The following RUNDC1 variants were observed in gnomAD, a reference collection of about 807,000 sequenced individuals.
RUNDC1 encodes RUN domain-containing protein 1.
Under a neutral mutation model 49.3 loss-of-function variants are expected in RUNDC1, and 31 were observed. The observed-to-expected ratio is 0.63, with a 90% confidence interval of 0.47 to 0.85. The LOEUF (loss-of-function observed/expected upper bound fraction) is 0.85, where lower values mean the gene tolerates loss of function less well. Ranked by LOEUF, RUNDC1 falls within the 40% of genes least tolerant of loss-of-function variation. The pLI is 0.00. For missense variants in RUNDC1, 715 were observed against 806.7 expected, an observed-to-expected ratio of 0.89 and a Z score of 1.38; for synonymous variants, 347 against 348.6, an observed-to-expected ratio of 1.00 and a Z score of 0.05.
In RUNDC1 at chr17:42,981,047, C is replaced by T. The variant is rs1259233124; in HGVS notation, c.471C>T (p.Asp157=). 6.4e-7 allele frequency: 1 copy of T among 1,559,540 alleles called. No individual in the cohort carries two copies. The highest frequency in any genetic ancestry group is 8.6e-7 in the Non-Finnish European group (1 of 1,160,272). ...ATGAGGGCGATGGGCTGCCAGGGGACCGGCCATGGTTGCGGGGCGAGGACC... is the reference window on the plus strand; with the variant it reads ...ATGAGGGCGATGGGCTGCCAGGGGATCGGCCATGGTTGCGGGGCGAGGACC... ...ASDEGDGLPG[D]RPWLRGEDQS... is the part of the protein sequence containing the mutation. The change falls in exon 1 of 5, where the codon GAC becomes GAT. Residue 157 remains aspartate, a synonymous_variant. Transcript: ENST00000361677.
chr17:42,987,008 C>A (rs2050180460), intron 1 of RUNDC1, among the ~76,000 whole-genome samples: 1 of 152,098 alleles, frequency 6.6e-6, no homozygotes, highest in Non-Finnish European at 1.5e-5. Context: ...TAACAAAAAG[C>A]CTCATTGTAT....
chr17:42,988,499 C>A (rs956478694), intron 2 of RUNDC1, among the ~76,000 whole-genome samples: 1 of 152,038 alleles, frequency 6.6e-6, no homozygotes, highest in South Asian at 2.1e-4. Context: ...ATGATCCACC[C>A]GCCTTGGCCT....
chr17:42,981,287 G>T (rs1181901160), intron 1 of RUNDC1: 2 of 589,002 alleles, frequency 3.4e-6, no homozygotes, highest in South Asian at 2.2e-5. Flanking sequence ...GTGCACGGAG[G>T]ATGTGGAGAG....
chr17:42,991,302 T>C lies in RUNDC1; in HGVS notation c.1428T>C (p.Phe476=), dbSNP rs371530871. ...AGGCCATGCACCCGTGGGAGCTCTT[T>C]GTAAAGTACTACCATGCTAAGAACG... The part of the protein sequence containing the change: ...APEAMHPWEL[F]VKYYHAKNGR... Residue 476 remains phenylalanine, a synonymous_variant, in exon 5 of 5, where the codon TTT becomes TTC. Coordinates refer to ENST00000361677, the MANE Select transcript of RUNDC1 (RefSeq NM_173079.5). 43 of 1,614,110 alleles carry C rather than the reference T, an allele frequency of 2.7e-5. No homozygotes were observed. Among genetic ancestry groups the C allele is most frequent in the Non-Finnish European group, 3.6e-5 (42 of 1,180,052 alleles).
At position 42,991,918 on chromosome 17, in the gene RUNDC1, A is replaced by G; in HGVS notation, c.*202A>G. On this transcript the variant is annotated 3_prime_UTR_variant, in exon 5 of 5. Coordinates refer to ENST00000361677, the MANE Select transcript of RUNDC1 (RefSeq NM_173079.5). ...GATGTGCTGGAGGGACCCTCTTGTT[A>G]AGAAGGTTCTGCCAGGCCGGGCGCG... 1 of 609,450 alleles carries G rather than the reference A, an allele frequency of 1.6e-6. No individual in the cohort carries two copies. 37.8% of individuals were successfully genotyped at this position (609,450 alleles called of 1,614,324 possible).
intron 1 of RUNDC1, among the ~76,000 whole-genome samples, chr17:42,986,497 A>G (rs773938737): frequency 1.3e-5 from 2 of 151,664 alleles, no homozygotes; most frequent in Non-Finnish European, 2.9e-5. Context: ...GCTGGTTATG[A>G]GTTTTTTTCT....
chr17:42,984,828 T>TCTCCA (rs2050148405), intron 1 of RUNDC1, among the ~76,000 whole-genome samples: 1 of 152,076 alleles, frequency 6.6e-6, no homozygotes, highest in Non-Finnish European at 1.5e-5. Flanking sequence ...TAGACAACTT[T>TCTCCA]CTCCACTCAG....
chr17:42,982,670 G>A (rs932080573), intron 1 of RUNDC1, among the ~76,000 whole-genome samples: 1 of 151,942 alleles, frequency 6.6e-6, no homozygotes, highest in African/African-American at 2.4e-5. Context: ...CACATACTAT[G>A]TACCCATAAA....
chr17:42,984,289 T>G, intron 1 of RUNDC1, among the ~76,000 whole-genome samples: 1 of 150,746 alleles, frequency 6.6e-6, no homozygotes, highest in African/African-American at 2.4e-5. Context: ...AGTTTTTTTT[T>G]TTTTTTTTTG....
Position 42,994,493 on chromosome 17 carries a change from TC to T in RUNDC1, c.*2778del, listed in dbSNP as rs1300360139. Among the ~76,000 whole-genome samples the T allele has an allele frequency of 2.0e-5, 3 of 152,194 alleles. No homozygotes were observed. The highest frequency in any genetic ancestry group is 7.2e-5 in the African/African-American group (3 of 41,454). On this transcript the variant is annotated 3_prime_UTR_variant, in exon 5 of 5. Coordinates refer to ENST00000361677, the MANE Select transcript of RUNDC1 (RefSeq NM_173079.5). ...TTCTGAATCCAGAGCCCACAGTCTA[TC>T]TTTTCACTTCATTGTATCATGTTGT...
intron 3 of RUNDC1, 126 bp downstream of exon 3, chr17:42,989,665 C>T (rs2050213721): frequency 1.2e-6 from 1 of 840,996 alleles, no homozygotes; most frequent in East Asian, 2.7e-5. Context: ...GACAGTGTCT[C>T]TCTCTGTTCC....
In RUNDC1 at chr17:42,992,976, C is replaced by T. The variant is rs1390186706; in HGVS notation, c.*1260C>T. 2 of 152,208 alleles carry T rather than the reference C, an allele frequency of 1.3e-5. No individual in the cohort carries two copies. The highest frequency in any genetic ancestry group is 4.8e-5 in the African/African-American group (2 of 41,464). The allele number at this position is 152,208 out of a possible 1,614,324, so 9.4% of individuals were successfully genotyped here. On this transcript the variant is annotated 3_prime_UTR_variant, in exon 5 of 5. Transcript: ENST00000361677. The stretch of plus-strand genomic sequence containing the variant: ...TTCCTCTGCTCACCTCCCAACAAGA[C>T]TAACAGTCTTTTTAGAAGTAAATAT...
chr17:42,985,641 ACT>A, intron 1 of RUNDC1: 5 of 279,450 alleles, frequency 1.8e-5, no homozygotes, highest in South Asian at 1.6e-4. Context: ...CTCATTACTT[ACT>A]TCTTCAGGGC....
At chr17:42,988,129 T>G (rs956460339) in intron 2 of RUNDC1, among the ~76,000 whole-genome samples, 1 of 152,160 alleles carries the variant, frequency 6.6e-6, no homozygotes, top group Admixed American at 6.5e-5. Flanking sequence ...ATACTGTATT[T>G]ATTTAGGTAA....
intron 1 of RUNDC1, among the ~76,000 whole-genome samples, chr17:42,984,442 G>A (rs1390616093): frequency 5.9e-5 from 9 of 151,896 alleles, no homozygotes; most frequent in Admixed American, 1.3e-4. Context: ...CACTATCCCC[G>A]GCTAAATTTT....
Position 42,994,027 on chromosome 17 carries a change from T to G in RUNDC1, c.*2311T>G, listed in dbSNP as rs907132399. ...GGCGCCTGCCACCACGCCTGGCTAA[T>G]GTTTGTATTTTTAATAGAGAGGGTT... On this transcript the variant is annotated 3_prime_UTR_variant, in exon 5 of 5. Coordinates refer to ENST00000361677, the MANE Select transcript of RUNDC1 (RefSeq NM_173079.5). Among the ~76,000 whole-genome samples, 2 of 152,158 alleles carry G rather than the reference T, an allele frequency of 1.3e-5. No homozygotes were observed. The highest frequency in any genetic ancestry group is 2.9e-5 in the Non-Finnish European group (2 of 68,026).
chr17:42,987,112 A>G (rs1373592170), intron 1 of RUNDC1, 144 bp from the exon 2 acceptor site: 3 of 574,390 alleles, frequency 5.2e-6, no homozygotes, highest in Non-Finnish European at 9.2e-6. Context: ...CTTACTTTTG[A>G]ATCTATCGTA....
rs1054528969 is a variant in RUNDC1, at chr17:42,992,358, CAGG to C, written c.*645_*647del. On this transcript the variant is annotated 3_prime_UTR_variant, in exon 5 of 5. Transcript: ENST00000361677. ...CTGAGGTGGGCGGATCACCTGAGGT[CAGG>C]AGTTCAAGACCAGCCTGGCCAACAT... 5.2e-5 allele frequency: 8 copies of C among 152,548 alleles called. No individual in the cohort carries two copies. The highest frequency in any genetic ancestry group is 7.3e-5 in the Non-Finnish European group (5 of 68,482). 9.4% of individuals were successfully genotyped at this position (152,548 alleles called of 1,614,324 possible).
intron 1 of RUNDC1, chr17:42,985,602 C>CTTTTTTTTTTTTTTTTTTTTTTTTTT (rs71157692): frequency 5.9e-6 from 1 of 169,708 alleles, no homozygotes; most frequent in East Asian, 2.1e-4. Context: ...TTGTTGTTTT[C>CTTTTTTTTTTTTTTTTTTTTTTTTTT]TTTTTTTTTT....
Sources: gnomAD v4.1 joint callset for allele counts (sites outside exome capture counted in the v4.1 genomes callset) on GRCh38, gnomAD v4.1.1 for gene constraint, MANE v1.5 for transcripts, NCBI Gene and HGNC (gene_info 2026-07-23, HGNC 2026-07-21) for gene names.